Variants in ATRX observed in about 807,000 individuals in gnomAD.
ATRX encodes the protein ATRX chromatin remodeler.
Under a neutral mutation model 172.6 loss-of-function variants are expected in ATRX, and 12 were observed. The ratio of observed to expected loss-of-function variants is 0.07; its 90% CI spans 0.04 to 0.11. The LOEUF is 0.11. ATRX is among the 10% of genes least tolerant of loss of function. ATRX has a pLI of 1.00. For synonymous variants in ATRX, 674 were observed against 594.7 expected, an observed-to-expected ratio of 1.13 and a Z score of -1.94; for missense variants, 1,368 against 1,767.4, an observed-to-expected ratio of 0.77 and a Z score of 4.05.
chrX:77,782,932 G>A (rs1380081634), intron 1 of ATRX, among the ~76,000 whole-genome samples: 1 of 108,497 alleles, frequency 9.2e-6, no homozygotes, highest in East Asian at 3.0e-4. Flanking sequence ...GAGCCCTTGG[G>A]CCCTGAATAA....
chrX:77,716,441 A>G (rs1178289465), intron 2 of ATRX, among the ~76,000 whole-genome samples: 1 of 105,188 alleles, frequency 9.5e-6, no homozygotes, highest in Non-Finnish European at 1.9e-5. Flanking sequence ...CAGGGATATT[A>G]TCAAACAACA....
At position 77,507,069 on chromosome X, in the gene ATRX, T is replaced by G. The variant is rs1351462994; in HGVS notation, c.*1282A>C. The G allele has an allele frequency of 5.3e-5, 9 of 170,754 alleles. No homozygotes were observed. The highest frequency in any genetic ancestry group is 9.9e-5 in the Non-Finnish European group (9 of 90,459). The allele number at this position is 170,754 out of a possible 1,213,427, so 14.1% of individuals were successfully genotyped here. On this transcript the variant is annotated 3_prime_UTR_variant, in exon 35 of 35. Coordinates refer to ENST00000373344, the MANE Select transcript of ATRX (RefSeq NM_000489.6). ...GTACATGAATAAATTTATAGGTCAT[T>G]TTTGCAGAACTGGATTAAGAAAAAA...
At position 77,699,145 on chromosome X, in the gene ATRX, T is replaced by G. The variant is rs782696043; in HGVS notation, c.134-516A>C. Among the ~76,000 whole-genome samples the G allele has an allele frequency of 1.5e-4, 17 of 111,125 alleles. No homozygotes were observed. The South Asian group carries it at 6.2e-3, about 40-fold the overall frequency. On this transcript the variant is annotated intron_variant, in intron 2 of 34. Transcript: ENST00000373344. ...GTAGTTCTTTTCCTTTTCCTCCTTT[T>G]TTTTTAGAGATAGGGTCTCACTCCA...
chrX:77,539,863 T>C (rs2063901824), intron 30 of ATRX, among the ~76,000 whole-genome samples: 1 of 111,969 alleles, frequency 8.9e-6, no homozygotes, highest in African/African-American at 3.2e-5. Flanking sequence ...TGCAAAAACA[T>C]GCCAAATTGT....
At chrX:77,659,266 A>G (rs1185401067) in intron 12 of ATRX, among the ~76,000 whole-genome samples, 4 of 110,999 alleles carry the variant, frequency 3.6e-5, no homozygotes, top group African/African-American at 1.3e-4. Context: ...AAGCAACTGG[A>G]AAGCTGGGAG....
At chrX:77,755,876 T>C (rs1296743599) in intron 1 of ATRX, among the ~76,000 whole-genome samples, 9 of 112,253 alleles carry the variant, frequency 8.0e-5, no homozygotes, top group Non-Finnish European at 1.3e-4. Flanking sequence ...AGGAGAATCC[T>C]CCTTGTCAGG....
intron 28 of ATRX, among the ~76,000 whole-genome samples, chrX:77,570,642 G>T (rs782252591): frequency 5.4e-5 from 6 of 111,794 alleles, no homozygotes; most frequent in African/African-American, 1.9e-4. Context: ...CTAGGGCTTT[G>T]AGGAAGAGTT....
intron 30 of ATRX, among the ~76,000 whole-genome samples, chrX:77,530,966 C>T (rs2063556853): frequency 8.9e-6 from 1 of 111,853 alleles, no homozygotes; most frequent in African/African-American, 3.2e-5. Context: ...CCACTGACCC[C>T]ACAGAAATGC....
intron 15 of ATRX, among the ~76,000 whole-genome samples, chrX:77,645,276 C>T (rs2068855127): frequency 9.0e-6 from 1 of 111,611 alleles, no homozygotes; most frequent in South Asian, 3.8e-4. Context: ...GTAGCTTAGA[C>T]CACAAGTGTG....
chrX:77,742,545 C>T (rs782112496), intron 1 of ATRX, among the ~76,000 whole-genome samples: 24 of 111,945 alleles, frequency 2.1e-4, no homozygotes, highest in Non-Finnish European at 4.3e-4. Flanking sequence ...GAATTTCAAG[C>T]GTGCCTCATC....
intron 1 of ATRX, among the ~76,000 whole-genome samples, chrX:77,777,034 A>G (rs1289105742): frequency 9.1e-6 from 1 of 109,762 alleles, no homozygotes; most frequent in Non-Finnish European, 1.9e-5. Flanking sequence ...GCAGCCACAG[A>G]CAATGTAAAT....
chrX:77,532,004 C>A (rs2063592172), intron 30 of ATRX, among the ~76,000 whole-genome samples: 1 of 111,013 alleles, frequency 9.0e-6, no homozygotes, highest in African/African-American at 3.3e-5. Flanking sequence ...AAGCAAAGAG[C>A]CAAATCATGA....
rs2070841128 is a variant in ATRX, at chrX:77,675,892, C to T, written c.3809+334G>A. 3 of 172,310 alleles carry T rather than the reference C, an allele frequency of 1.7e-5. No homozygotes were observed. In the South Asian group the frequency reaches 3.5e-4, roughly 20 times the overall value. The allele number at this position is 172,310 out of a possible 1,213,427, so 14.2% of individuals were successfully genotyped here. A position where few individuals can be genotyped will look rare whatever the true frequency, so the allele number is the denominator to read the frequency against. On this transcript the variant is annotated intron_variant, in intron 10 of 34. Transcript: ENST00000373344. ...GGAGATGTCTGTTGTTACCAATTTA[C>T]TGAGATATGATTTACTTTCATCAAT...
intron 26 of ATRX, among the ~76,000 whole-genome samples, chrX:77,590,810 A>T (rs182227255): frequency 9.8e-5 from 11 of 111,794 alleles, no homozygotes; most frequent in African/African-American, 3.6e-4. Flanking sequence ...AATGTTTAGA[A>T]GAACACAGAA....
intron 28 of ATRX, among the ~76,000 whole-genome samples, chrX:77,566,410 C>T (rs1557064566): frequency 8.9e-6 from 1 of 111,948 alleles, no homozygotes; most frequent in Non-Finnish European, 1.9e-5. Flanking sequence ...AGCTGAAATA[C>T]CATTCAAGAA....
At chrX:77,763,748 C>T (rs900725667) in intron 1 of ATRX, among the ~76,000 whole-genome samples, 32 of 110,359 alleles carry the variant, frequency 2.9e-4, no homozygotes, top group Non-Finnish European at 4.9e-4. Flanking sequence ...GGATTACAGG[C>T]GTGAGCCACC....
rs2066299846 is a variant in ATRX at position 77,592,423 on chromosome X, A to AG, written c.6110+1272_6110+1273insC. Among the ~76,000 whole-genome samples, 7 of 109,512 alleles carry AG rather than the reference A, an allele frequency of 6.4e-5. No individual in the cohort carries two copies. In the South Asian group the frequency reaches 2.8e-3, roughly 43 times the overall value. On this transcript the variant is annotated intron_variant, in intron 26 of 34. Transcript: ENST00000373344. Reference sequence around the variant, plus strand: ...AGCAAAACTCCGTCTCAAAAAAAAAAAAAAAAAAGCATCTCAGATACTTTT... The same window carrying AG: ...AGCAAAACTCCGTCTCAAAAAAAAAAGAAAAAAAAGCATCTCAGATACTTTT...
intron 23 of ATRX, 62 bp from the exon 24 acceptor site, chrX:77,599,882 T>C (rs1209759164): frequency 1.1e-5 from 10 of 910,281 alleles, no homozygotes; most frequent in South Asian, 2.1e-5. Context: ...GGAAATTATA[T>C]TGATGTTCAT....
intron 22 of ATRX, among the ~76,000 whole-genome samples, chrX:77,614,506 G>A (rs2148230866): frequency 8.9e-6 from 1 of 112,027 alleles, no homozygotes; most frequent in South Asian, 3.7e-4. Context: ...ATCAATGATA[G>A]TCACAAAGAA....
Sources: gnomAD v4.1 joint callset for allele counts (sites outside exome capture counted in the v4.1 genomes callset) on GRCh38, gnomAD v4.1.1 for gene constraint, MANE v1.5 for transcripts, NCBI Gene and HGNC (gene_info 2026-07-23, HGNC 2026-07-21) for gene names.